Variants in SUPT3H observed in about 807,000 individuals in gnomAD.
SUPT3H encodes SPT3 homolog, SAGA and STAGA complex component, also known as transcription initiation protein SPT3 homolog.
SUPT3H carries 44 observed loss-of-function variants against 44.3 expected under a neutral mutation model. The ratio of observed to expected loss-of-function variants is 0.99; its 90% CI spans 0.78 to 1.28. The LOEUF (loss-of-function observed/expected upper bound fraction) is 1.28, where lower values mean the gene tolerates loss of function less well. Ranked by LOEUF, SUPT3H falls within the 50% of genes most tolerant of loss-of-function variation. SUPT3H has a pLI of 0.00. For missense variants in SUPT3H, 380 were observed against 387.1 expected (o/e 0.98, Z 0.15); for synonymous variants, 124 against 125.6 (o/e 0.99, Z 0.09).
At chr6:45,289,354 A>AT (rs1336677214) in intron 2 of SUPT3H, among the ~76,000 whole-genome samples, 1 of 152,138 alleles carries the variant, frequency 6.6e-6, no homozygotes, top group African/African-American at 2.4e-5. Context: ...CTTCTCACTC[A>AT]TTTTTGAAAT....
chr6:45,187,393 C>T (rs1158057363), intron 2 of SUPT3H, among the ~76,000 whole-genome samples: 3 of 144,092 alleles, frequency 2.1e-5, no homozygotes, highest in South Asian at 2.3e-4. Context: ...CCAACCTGGG[C>T]GACAAGGGCA....
At chr6:45,136,549 TAAAGG>T (rs1290608024) in intron 2 of SUPT3H, among the ~76,000 whole-genome samples, 1 of 150,370 alleles carries the variant, frequency 6.7e-6, no homozygotes, top group African/African-American at 2.5e-5. Context: ...TTAAAAAAAC[TAAAGG>T]AAAGTATAAC....
At chr6:45,127,463 C>T (rs946075224) in intron 2 of SUPT3H, among the ~76,000 whole-genome samples, 1 of 152,202 alleles carries the variant, frequency 6.6e-6, no homozygotes, top group African/African-American at 2.4e-5. Flanking sequence ...ATTATTACCT[C>T]TTCTTCACAG....
rs1554257895 is a variant in SUPT3H, at chr6:45,128,533, AAT to A, written c.102-22529_102-22528del. On this transcript the variant is annotated intron_variant, in intron 2 of 10. Coordinates refer to ENST00000371459, the MANE Select transcript of SUPT3H (RefSeq NM_003599.4). ...AAAAAAAAAAAAAAAAAAAAAAAAA[AAT>A]ATATATATATATATATATATATACA... is the stretch of plus-strand genomic sequence containing the variant. 1.1e-3 allele frequency among the ~76,000 whole-genome samples: 58 copies of A among 52,252 alleles called. 3 individuals are homozygous for A. Among genetic ancestry groups the A allele is most frequent in the East Asian group, 6.6e-3 (6 of 910 alleles). 34.3% of individuals were successfully genotyped at this position (52,252 alleles called of 152,430 possible).
intron 7 of SUPT3H, among the ~76,000 whole-genome samples, chr6:44,959,105 G>T (rs1178901022): frequency 1.3e-5 from 2 of 152,024 alleles, no homozygotes; most frequent in Admixed American, 1.3e-4. Flanking sequence ...GGTCAGGCTG[G>T]TCTCTAACTC....
chr6:45,169,520 A>G (rs1810437321), intron 2 of SUPT3H, among the ~76,000 whole-genome samples: 1 of 152,214 alleles, frequency 6.6e-6, no homozygotes, highest in Non-Finnish European at 1.5e-5. Flanking sequence ...TGTAAGAACT[A>G]TCCAAAATAT....
intron 9 of SUPT3H, among the ~76,000 whole-genome samples, chr6:44,948,916 A>G (rs1773806456): frequency 6.6e-6 from 1 of 152,212 alleles, no homozygotes; most frequent in South Asian, 2.1e-4. Flanking sequence ...ATTATAAATT[A>G]TGTTGCTATA....
intron 2 of SUPT3H, among the ~76,000 whole-genome samples, chr6:45,204,284 C>G (rs1320414734): frequency 4.4e-5 from 2 of 45,650 alleles, no homozygotes; most frequent in African/African-American, 7.3e-5. Flanking sequence ...GAAGAAGAAC[C>G]ACCTGTATCT....
chr6:45,090,545 T>C (rs544486952), intron 3 of SUPT3H, among the ~76,000 whole-genome samples: 25 of 152,122 alleles, frequency 1.6e-4, no homozygotes, highest in Non-Finnish European at 3.2e-4. Context: ...TTATCCACCA[T>C]GATAGAAAAT....
intron 2 of SUPT3H, among the ~76,000 whole-genome samples, chr6:45,314,435 T>C (rs1784409470): frequency 6.6e-6 from 1 of 152,152 alleles, no homozygotes; most frequent in Non-Finnish European, 1.5e-5. Context: ...GATAAAAGAA[T>C]TCAGTAAAGT....
chr6:45,000,229 T>C (rs980132885), intron 6 of SUPT3H, among the ~76,000 whole-genome samples: 13 of 152,078 alleles, frequency 8.5e-5, no homozygotes, highest in African/African-American at 3.1e-4. Flanking sequence ...TTTTAAACTT[T>C]TCTGGTATTT....
intron 9 of SUPT3H, among the ~76,000 whole-genome samples, chr6:44,947,490 C>T (rs984359188): frequency 3.3e-5 from 5 of 152,248 alleles, no homozygotes; most frequent in African/African-American, 1.2e-4. Flanking sequence ...ATTGCTAAAA[C>T]ATATCCCAAA....
chr6:45,011,264 T>C (rs544162932), intron 5 of SUPT3H, among the ~76,000 whole-genome samples: 5 of 152,210 alleles, frequency 3.3e-5, no homozygotes, highest in Admixed American at 1.3e-4. Context: ...GTATTCTTCT[T>C]TAAACATTTG....
intron 9 of SUPT3H, among the ~76,000 whole-genome samples, chr6:44,943,964 G>A (rs1426342585): frequency 6.6e-6 from 1 of 151,994 alleles, no homozygotes; most frequent in Non-Finnish European, 1.5e-5. Flanking sequence ...CAATGGGAAT[G>A]GTAAACAATA....
At position 45,002,533 on chromosome 6, in the gene SUPT3H, GAAAC is replaced by G. The variant is rs1782145075; in HGVS notation, c.504+1116_504+1119del. ...GCTCTTTGTGTAATGCATCATAAGTGAAACCATGCCACTAAACAACCATATCCTG... is the reference window on the plus strand; with the variant it reads ...GCTCTTTGTGTAATGCATCATAAGTGCATGCCACTAAACAACCATATCCTG... On this transcript the variant is annotated intron_variant, in intron 6 of 10. Coordinates refer to ENST00000371459, the MANE Select transcript of SUPT3H (RefSeq NM_003599.4). Among the ~76,000 whole-genome samples, 4 of 151,962 alleles carry G rather than the reference GAAAC, an allele frequency of 2.6e-5. No individual in the cohort carries two copies. In the South Asian group the frequency reaches 8.3e-4, roughly 32 times the overall value.
chr6:45,123,475 G>A lies in SUPT3H; in HGVS notation c.102-17469C>T, dbSNP rs550124186. Among the ~76,000 whole-genome samples, 14 of 151,390 alleles carry A rather than the reference G, an allele frequency of 9.2e-5. No individual in the cohort carries two copies. In the South Asian group the frequency reaches 2.9e-3, roughly 32 times the overall value. On this transcript the variant is annotated intron_variant, in intron 2 of 10. Coordinates refer to ENST00000371459, the MANE Select transcript of SUPT3H (RefSeq NM_003599.4). ...TGAAGCCTCCACCCTCTGGTCTCAA[G>A]TGATCCTCCCACCTAGGCCTCCCAT...
chr6:45,099,952 T>C (rs1272350419), intron 3 of SUPT3H, among the ~76,000 whole-genome samples: 1 of 152,062 alleles, frequency 6.6e-6, no homozygotes, highest in African/African-American at 2.4e-5. Flanking sequence ...TTCCCACATA[T>C]CAGAACAAAG....
chr6:45,342,655 G>A (rs934175956), intron 2 of SUPT3H, among the ~76,000 whole-genome samples: 3 of 151,924 alleles, frequency 2.0e-5, no homozygotes, highest in African/African-American at 7.3e-5. Flanking sequence ...GCAGGATTTT[G>A]GAAGCCTTTT....
intron 2 of SUPT3H, among the ~76,000 whole-genome samples, chr6:45,289,285 TAAA>T (rs1457195927): frequency 6.6e-6 from 1 of 151,984 alleles, no homozygotes; most frequent in Admixed American, 6.6e-5. Flanking sequence ...GTATTATAAA[TAAA>T]AAAGAACCGT....
Sources: allele counts gnomAD v4.1 joint callset (sites outside exome capture counted in the v4.1 genomes callset), GRCh38; gene constraint gnomAD v4.1.1; transcripts MANE v1.5; gene names NCBI Gene and HGNC (gene_info 2026-07-23, HGNC 2026-07-21).